Variants in RYK observed in about 807,000 individuals in gnomAD.
RYK encodes receptor like tyrosine kinase.
RYK carries 21 observed loss-of-function variants against 70.2 expected under a neutral mutation model. The ratio of observed to expected loss-of-function variants is 0.30; its 90% CI spans 0.21 to 0.43. The LOEUF is 0.43. RYK is among the 20% of genes least tolerant of loss of function. RYK has a pLI of 1.00. For missense variants in RYK, 604 were observed against 753.3 expected, an observed-to-expected ratio of 0.80 and a Z score of 2.32; for synonymous variants, 267 against 278.0, an observed-to-expected ratio of 0.96 and a Z score of 0.39.
chr3:134,204,591 C>CCACACACACACACA lies in RYK; in HGVS notation c.644-1731_644-1718dup, dbSNP rs59154111. 6.7e-4 allele frequency among the ~76,000 whole-genome samples: 95 copies of CCACACACACACACA among 140,780 alleles called. 1 individual carries two copies. Among genetic ancestry groups the CCACACACACACACA allele is most frequent in the Middle Eastern group, 3.6e-3 (1 of 280 alleles). 92.4% of individuals were successfully genotyped at this position (140,780 alleles called of 152,430 possible). ...AAATAACCCAATGACACAGCCACAGCCACACACACACACACACACACACAC... is the reference window on the plus strand; with the variant it reads ...AAATAACCCAATGACACAGCCACAGCCACACACACACACACACACACACACACACACACACACAC... On this transcript the variant is annotated intron_variant, in intron 5 of 14. Coordinates refer to ENST00000623711, the MANE Select transcript of RYK (RefSeq NM_002958.4).
intron 8 of RYK, among the ~76,000 whole-genome samples, chr3:134,190,050 A>C (rs1003376106): frequency 2.6e-5 from 4 of 152,176 alleles, no homozygotes; most frequent in Non-Finnish European, 5.9e-5. Context: ...CCACTCTATG[A>C]GGTGGAGTTG....
chr3:134,178,298 A>G (rs2013177069), intron 10 of RYK: 1 of 391,212 alleles, frequency 2.6e-6, no homozygotes, highest in African/African-American at 2.1e-5. Context: ...GTAGGGAAAA[A>G]TCATAAACTC....
intron 2 of RYK, among the ~76,000 whole-genome samples, chr3:134,216,003 G>A (rs527471332): frequency 4.2e-5 from 6 of 143,898 alleles, no homozygotes; most frequent in Admixed American, 2.9e-4. Context: ...ACCACTGCAC[G>A]CCAGTGTGGG....
At chr3:134,195,621 C>T (rs1376456998) in intron 6 of RYK, among the ~76,000 whole-genome samples, 1 of 152,146 alleles carries the variant, frequency 6.6e-6, no homozygotes, top group East Asian at 1.9e-4. Context: ...AAGAGCAAAC[C>T]AAATCAAATG....
chr3:134,249,917 G>GGTTTTTTT (rs1172115107), intron 1 of RYK, among the ~76,000 whole-genome samples: 4 of 93,366 alleles, frequency 4.3e-5, no homozygotes, highest in Non-Finnish European at 2.0e-5. Context: ...TTTCTCTCTC[G>GGTTTTTTT]TTTTTTTTTT....
chr3:134,237,510 A>C, intron 1 of RYK, among the ~76,000 whole-genome samples: 1 of 152,304 alleles, frequency 6.6e-6, no homozygotes, highest in South Asian at 2.1e-4. Context: ...GGTTTTAAAG[A>C]AAATGATACT....
intron 7 of RYK, among the ~76,000 whole-genome samples, chr3:134,194,251 G>A (rs2013742112): frequency 6.6e-6 from 1 of 152,192 alleles, no homozygotes; most frequent in South Asian, 2.1e-4. Flanking sequence ...ATTCACTGGA[G>A]CCTTAGTCAC....
At chr3:134,176,629 C>T (rs962485733) in intron 11 of RYK, among the ~76,000 whole-genome samples, 3 of 152,106 alleles carry the variant, frequency 2.0e-5, no homozygotes, top group African/African-American at 7.2e-5. Context: ...TCCTGTGGTC[C>T]CAGCTACTCA....
chr3:134,183,530 TC>T (rs1034818429), intron 9 of RYK: 2 of 152,182 alleles, frequency 1.3e-5, no homozygotes, highest in African/African-American at 4.8e-5. Flanking sequence ...AGATGCCATT[TC>T]CCCTGTCAAA....
intron 9 of RYK, among the ~76,000 whole-genome samples, chr3:134,187,135 C>T (rs1246076541): frequency 2.0e-5 from 3 of 152,032 alleles, no homozygotes; most frequent in African/African-American, 4.8e-5. Context: ...AATTAAACCA[C>T]TTGTTTAGAA....
At chr3:134,234,885 T>C (rs886141730) in intron 1 of RYK, among the ~76,000 whole-genome samples, 1 of 151,998 alleles carries the variant, frequency 6.6e-6, no homozygotes, top group African/African-American at 2.4e-5. Context: ...GAGAACCAAA[T>C]ATAAGTATGA....
chr3:134,239,025 T>C (rs1286796689), intron 1 of RYK, among the ~76,000 whole-genome samples: 1 of 151,912 alleles, frequency 6.6e-6, no homozygotes, highest in East Asian at 1.9e-4. Flanking sequence ...CTCGGTGCAG[T>C]AGGGGAGAGA....
chr3:134,209,596 C>T (rs1294979785), intron 4 of RYK, 99 bp downstream of exon 4: 1 of 854,046 alleles, frequency 1.2e-6, no homozygotes, highest in Non-Finnish European at 1.7e-6. Context: ...CAACTATAAT[C>T]ATGAGTTGGA....
At chr3:134,227,884 A>T (rs2014953345) in intron 1 of RYK, among the ~76,000 whole-genome samples, 1 of 152,184 alleles carries the variant, frequency 6.6e-6, no homozygotes, top group Non-Finnish European at 1.5e-5. Context: ...CATGTTAGCC[A>T]GGATAGTCTC....
At chr3:134,250,371 GCTGCCCCAGCCGGCCCGAC>G in intron 1 of RYK, 33 bp downstream of exon 1, 1 of 1,202,234 alleles carries the variant, frequency 8.3e-7, no homozygotes, top group South Asian at 2.1e-5. Context: ...GCGGCCGGAA[GCTGCCCCAGCCGGCCCGAC>G]CTGCCCGCCC....
intron 1 of RYK, among the ~76,000 whole-genome samples, chr3:134,246,937 T>G (rs916884659): frequency 6.6e-6 from 1 of 151,808 alleles, no homozygotes; most frequent in Non-Finnish European, 1.5e-5. Context: ...AAGAAGTCTC[T>G]AAGAGGAAAC....
At chr3:134,168,330 A>C (rs1427657878) in intron 13 of RYK, among the ~76,000 whole-genome samples, 2 of 152,326 alleles carry the variant, frequency 1.3e-5, no homozygotes, top group Non-Finnish European at 2.9e-5. Context: ...ACGTATGTTT[A>C]TTGAGGCACT....
intron 1 of RYK, among the ~76,000 whole-genome samples, chr3:134,229,330 C>T (rs1205429300): frequency 6.7e-6 from 1 of 148,256 alleles, no homozygotes; most frequent in African/African-American, 2.5e-5. Flanking sequence ...CTCTTTCCCC[C>T]AACCCCTTCT....
intron 1 of RYK, among the ~76,000 whole-genome samples, chr3:134,247,543 A>T (rs1193627704): frequency 6.6e-6 from 1 of 152,128 alleles, no homozygotes; most frequent in Non-Finnish European, 1.5e-5. Flanking sequence ...TCTCTACTAA[A>T]AATACAAAAT....
Sources: gnomAD v4.1 joint callset for allele counts (sites outside exome capture counted in the v4.1 genomes callset) on GRCh38, gnomAD v4.1.1 for gene constraint, MANE v1.5 for transcripts, NCBI Gene and HGNC (gene_info 2026-07-23, HGNC 2026-07-21) for gene names.